The following CDKAL1 variants were observed in gnomAD, a reference collection of about 807,000 sequenced individuals.
CDKAL1 encodes the protein threonylcarbamoyladenosine tRNA methylthiotransferase.
In CDKAL1, 32 loss-of-function variants were observed where a neutral mutation model predicts 68.2. The observed-to-expected ratio is 0.47, with a 90% CI of 0.35 to 0.63. CDKAL1 has a LOEUF of 0.63. CDKAL1 is among the 30% of genes least tolerant of loss of function. The pLI, the probability that CDKAL1 is intolerant of heterozygous loss-of-function variation, is 0.00. For missense variants in CDKAL1, 606 were observed against 696.7 expected, an observed-to-expected ratio of 0.87 and a Z score of 1.47; for synonymous variants, 234 against 244.3, an observed-to-expected ratio of 0.96 and a Z score of 0.39.
At chr6:20,619,905 G>T (rs1000953562) in intron 4 of CDKAL1, among the ~76,000 whole-genome samples, 2 of 152,128 alleles carry the variant, frequency 1.3e-5, no homozygotes, top group Admixed American at 6.5e-5. Context: ...AAGTGACTTG[G>T]AAAGGTTATA....
intron 5 of CDKAL1, among the ~76,000 whole-genome samples, chr6:20,713,381 T>A (rs1464188419): frequency 6.6e-6 from 1 of 152,212 alleles, no homozygotes; most frequent in Non-Finnish European, 1.5e-5. Flanking sequence ...CGTATCTTAA[T>A]TATTTAAAAA....
At chr6:20,875,619 TC>T (rs1760472719) in intron 9 of CDKAL1, among the ~76,000 whole-genome samples, 1 of 152,152 alleles carries the variant, frequency 6.6e-6, no homozygotes, top group Non-Finnish European at 1.5e-5. Flanking sequence ...CTTTCTCTGT[TC>T]CCTTGGCTTT....
At chr6:20,954,033 A>G (rs568764826) in intron 9 of CDKAL1, among the ~76,000 whole-genome samples, 5 of 152,204 alleles carry the variant, frequency 3.3e-5, no homozygotes, top group East Asian at 1.9e-4. Flanking sequence ...TGTATTTTCC[A>G]TGTTGTGTGG....
At chr6:21,213,323 G>T (rs10214694) in intron 15 of CDKAL1, among the ~76,000 whole-genome samples, 11,268 of 152,184 alleles carry the variant, frequency 0.074, 901 homozygotes, top group African/African-American at 0.2. Flanking sequence ...GATGTGGAGT[G>T]GGGGGCATGG....
At chr6:20,704,952 G>A (rs1368668129) in intron 5 of CDKAL1, among the ~76,000 whole-genome samples, 2 of 152,146 alleles carry the variant, frequency 1.3e-5, no homozygotes, top group African/African-American at 4.8e-5. Flanking sequence ...ACTAAAATGA[G>A]AATAACAATT....
At chr6:20,795,800 A>T (rs1236876335) in intron 8 of CDKAL1, among the ~76,000 whole-genome samples, 1 of 152,194 alleles carries the variant, frequency 6.6e-6, no homozygotes, top group African/African-American at 2.4e-5. Context: ...AGCATATACT[A>T]CCTGAGTGTC....
chr6:21,030,320 C>G (rs1258182353), intron 11 of CDKAL1, among the ~76,000 whole-genome samples: 1 of 152,080 alleles, frequency 6.6e-6, no homozygotes, highest in East Asian at 1.9e-4. Context: ...CTCACCAGGG[C>G]CACTGGTAGT....
At chr6:20,700,876 G>A (rs936014183) in intron 5 of CDKAL1, among the ~76,000 whole-genome samples, 1 of 149,434 alleles carries the variant, frequency 6.7e-6, no homozygotes, top group Non-Finnish European at 1.5e-5. Context: ...AGCTGAGGAG[G>A]GTGGTCTGGA....
rs56911987 is a variant in CDKAL1, at chr6:20,732,263, C to CTTTTTTTTTTTTTT, written c.372-7247_372-7234dup. Among the ~76,000 whole-genome samples, 144 of 83,468 alleles carry CTTTTTTTTTTTTTT rather than the reference C, an allele frequency of 1.7e-3. 1 individual carries two copies. The highest frequency in any genetic ancestry group is 2.8e-3 in the African/African-American group (57 of 20,494). The allele number at this position is 83,468 out of a possible 152,430, so 54.8% of individuals were successfully genotyped here. A position where few individuals can be genotyped will look rare whatever the true frequency, so the allele number is the denominator to read the frequency against. ...TTTTTTCTTTTTCTTTTCTTTCTTT[C>CTTTTTTTTTTTTTT]TTTTTTTTTTTTTTTTTTTTTTGTT... On this transcript the variant is annotated intron_variant, in intron 5 of 15. Coordinates refer to ENST00000274695, the MANE Select transcript of CDKAL1 (RefSeq NM_017774.3).
chr6:20,739,340 G>A (rs757141761), intron 5 of CDKAL1, among the ~76,000 whole-genome samples, 179 bp from the exon 6 acceptor site: 6 of 152,134 alleles, frequency 3.9e-5, no homozygotes, highest in Non-Finnish European at 7.4e-5. Flanking sequence ...TTAATGCTGC[G>A]ATAAATAGAC....
intron 5 of CDKAL1, among the ~76,000 whole-genome samples, chr6:20,694,216 A>AT (rs1771013679): frequency 6.6e-6 from 1 of 152,100 alleles, no homozygotes; most frequent in African/African-American, 2.4e-5. Flanking sequence ...AAACAAACGT[A>AT]TTTTTTGTAG....
At chr6:20,652,318 C>T (rs1768809221) in intron 5 of CDKAL1, among the ~76,000 whole-genome samples, 1 of 152,188 alleles carries the variant, frequency 6.6e-6, no homozygotes, top group Admixed American at 6.5e-5. Flanking sequence ...GTCCTTGCCT[C>T]TTTTCCCTGC....
chr6:20,983,303 T>G (rs1766257271), intron 10 of CDKAL1, among the ~76,000 whole-genome samples: 1 of 152,236 alleles, frequency 6.6e-6, no homozygotes, highest in African/African-American at 2.4e-5. Context: ...TTTAAACGCA[T>G]GAGACTTTTT....
chr6:20,790,600 C>T (rs1055511576), intron 8 of CDKAL1, among the ~76,000 whole-genome samples: 9 of 152,222 alleles, frequency 5.9e-5, no homozygotes, highest in Admixed American at 4.6e-4. Context: ...GGGCCTACCA[C>T]TGGAGGCGCC....
intron 10 of CDKAL1, among the ~76,000 whole-genome samples, chr6:20,960,888 C>G (rs753195089): frequency 1.6e-4 from 25 of 152,164 alleles, no homozygotes; most frequent in Non-Finnish European, 3.2e-4. Flanking sequence ...TTAGGGCTGT[C>G]TAGAACAAAT....
intron 4 of CDKAL1, among the ~76,000 whole-genome samples, chr6:20,627,279 T>G (rs1767474732): frequency 6.6e-6 from 1 of 152,106 alleles, no homozygotes; most frequent in South Asian, 2.1e-4. Context: ...GATAAAGGAA[T>G]GAGATAACTC....
chr6:20,536,540 A>G (rs1378272092), intron 2 of CDKAL1, among the ~76,000 whole-genome samples: 1 of 152,184 alleles, frequency 6.6e-6, no homozygotes, highest in East Asian at 1.9e-4. Context: ...GGTTATGTAT[A>G]TTTGACATAC....
At chr6:20,648,347 C>G (rs1768583638) in intron 4 of CDKAL1, among the ~76,000 whole-genome samples, 1 of 151,996 alleles carries the variant, frequency 6.6e-6, no homozygotes, top group Non-Finnish European at 1.5e-5. Flanking sequence ...CCCAACTGGT[C>G]TTGAACTACG....
At chr6:20,607,706 T>C (rs1262939869) in intron 4 of CDKAL1, among the ~76,000 whole-genome samples, 1 of 152,142 alleles carries the variant, frequency 6.6e-6, no homozygotes, top group African/African-American at 2.4e-5. Flanking sequence ...TTTCTTTTTT[T>C]TTTCTTTTGA....
Sources: gnomAD v4.1 joint callset for allele counts (sites outside exome capture counted in the v4.1 genomes callset) on GRCh38, gnomAD v4.1.1 for gene constraint, MANE v1.5 for transcripts, NCBI Gene and HGNC (gene_info 2026-07-23, HGNC 2026-07-21) for gene names.